Variants in TG observed in about 807,000 individuals in gnomAD.
TG encodes the protein thyroglobulin.
A neutral mutation model predicts 324.7 loss-of-function variants in TG; 270 were observed. That is an observed-to-expected ratio of 0.83 (90% CI 0.75 to 0.92). The LOEUF is 0.92. Among genes scored for constraint, TG ranks in the 40% least tolerant of loss-of-function variants. TG has a pLI of 0.00. For synonymous variants in TG, 1,401 were observed against 1,327.0 expected (o/e 1.06, Z -1.21); for missense variants, 3,591 against 3,456.4 (o/e 1.04, Z -0.98).
At chr8:132,915,370 C>A (rs1341412261) in intron 20 of TG, among the ~76,000 whole-genome samples, 1 of 152,178 alleles carries the variant, frequency 6.6e-6, no homozygotes, top group Non-Finnish European at 1.5e-5. Flanking sequence ...GGCCTAGAAA[C>A]CTGGTTTCAA....
chr8:132,903,543 G>A (rs1266717281), intron 16 of TG, among the ~76,000 whole-genome samples: 1 of 152,212 alleles, frequency 6.6e-6, no homozygotes, highest in Non-Finnish European at 1.5e-5. Flanking sequence ...TTTCCTGAGA[G>A]TCTTAAAGTG....
At chr8:132,913,800 A>G (rs1483983161) in intron 20 of TG, among the ~76,000 whole-genome samples, 1 of 152,154 alleles carries the variant, frequency 6.6e-6, no homozygotes, top group African/African-American at 2.4e-5. Flanking sequence ...AATGACCAAA[A>G]ATTTTGTGGC....
intron 20 of TG, among the ~76,000 whole-genome samples, chr8:132,918,464 A>G (rs1338134609): frequency 1.3e-5 from 2 of 152,224 alleles, no homozygotes; most frequent in Non-Finnish European, 1.5e-5. Context: ...GGCAGACCAA[A>G]AAACACACTG....
At chr8:132,990,103 CAGAG>C (rs1275717127) in intron 35 of TG, among the ~76,000 whole-genome samples, 1 of 150,960 alleles carries the variant, frequency 6.6e-6, no homozygotes, top group Non-Finnish European at 1.5e-5. Flanking sequence ...GAAACTGAGG[CAGAG>C]AGAGAGTGTG....
intron 34 of TG, among the ~76,000 whole-genome samples, chr8:132,976,288 G>A (rs1351828209): frequency 6.6e-6 from 1 of 152,176 alleles, no homozygotes; most frequent in Non-Finnish European, 1.5e-5. Flanking sequence ...TCTGTCAAAG[G>A]CCTTCTTGCT....
At chr8:132,972,576 G>GTTTT in intron 33 of TG, 22 bp from the exon 34 acceptor site, 2 of 1,480,426 alleles carry the variant, frequency 1.4e-6, no homozygotes, top group Non-Finnish European at 1.8e-6. Flanking sequence ...GTGGTTTTTT[G>GTTTT]TTTTTTTTTT....
chr8:132,912,816 G>T (rs1819721202), intron 19 of TG, among the ~76,000 whole-genome samples: 1 of 152,190 alleles, frequency 6.6e-6, no homozygotes, highest in Non-Finnish European at 1.5e-5. Context: ...AATGGCAAGA[G>T]CCAGGAAATC....
chr8:132,897,748 T>C lies in TG; in HGVS notation c.3101T>C (p.Phe1034Ser), dbSNP rs1817326892. ...CCCTACATGCCACAGTGTGATGCGT[T>C]TGGAAGTTGGGAGCCTGTGCAGTGC... The part of the protein sequence containing the change: ...SGPYMPQCDA[F>S]GSWEPVQCHA... The change falls in exon 12 of 48, where the codon TTT becomes TCT. Residue 1034 changes from phenylalanine (F) to serine (S), a missense_variant. Physicochemically the swap from Phe to Ser is radical, Grantham distance 155. Transcript: ENST00000220616. 6.2e-7 allele frequency: 1 copy of C among 1,614,060 alleles called. No individual in the cohort carries two copies. Among genetic ancestry groups the C allele is most frequent in the Admixed American group, 1.7e-5 (1 of 60,002 alleles).
intron 18 of TG, among the ~76,000 whole-genome samples, chr8:132,910,476 G>T (rs1409182992): frequency 6.6e-6 from 1 of 152,236 alleles, no homozygotes; most frequent in East Asian, 1.9e-4. Flanking sequence ...CTGAATGCTT[G>T]TGTCCCCCCG....
chr8:132,974,056 C>T (rs996341370), intron 34 of TG, among the ~76,000 whole-genome samples: 11 of 145,044 alleles, frequency 7.6e-5, no homozygotes, highest in South Asian at 4.3e-4. Context: ...TGCAATGGCG[C>T]GATCTCAGCT....
chr8:133,041,718 A>T (rs16904807), intron 41 of TG, among the ~76,000 whole-genome samples: 22,843 of 151,138 alleles, frequency 0.15, 2,456 homozygotes, highest in East Asian at 0.47. Flanking sequence ...AGCACATAAC[A>T]TGAGCCCAGC....
chr8:133,082,732 G>T (rs7830370), intron 41 of TG, among the ~76,000 whole-genome samples: 4,325 of 152,206 alleles, frequency 0.028, 183 homozygotes, highest in African/African-American at 0.098. Context: ...ACAAAATGAC[G>T]GTAGGATCTG....
At chr8:133,093,648 T>G (rs1165735275) in intron 41 of TG, among the ~76,000 whole-genome samples, 1 of 152,212 alleles carries the variant, frequency 6.6e-6, no homozygotes, top group East Asian at 1.9e-4. Flanking sequence ...TGCCACTGGC[T>G]GAGATTCTGA....
chr8:133,053,924 C>T (rs1259981748), intron 41 of TG, among the ~76,000 whole-genome samples: 2 of 152,134 alleles, frequency 1.3e-5, no homozygotes, highest in African/African-American at 4.8e-5. Context: ...ATAACCTGTG[C>T]CTGATCCTTT....
intron 25 of TG, among the ~76,000 whole-genome samples, chr8:132,937,137 G>T (rs1252834587): frequency 6.6e-6 from 1 of 152,258 alleles, no homozygotes; most frequent in Non-Finnish European, 1.5e-5. Flanking sequence ...CTGAGGGCCC[G>T]AGGCCATGGC....
At chr8:133,007,252 G>C (rs528688720) in intron 35 of TG, among the ~76,000 whole-genome samples, 10 of 152,078 alleles carry the variant, frequency 6.6e-5, no homozygotes, top group Non-Finnish European at 7.4e-5. Context: ...CCGGGAGAAG[G>C]GGGAGGAGAG....
chr8:132,985,373 GA>G (rs1831388404), intron 35 of TG, among the ~76,000 whole-genome samples: 1 of 152,128 alleles, frequency 6.6e-6, no homozygotes, highest in South Asian at 2.1e-4. Context: ...CCATGGGTGG[GA>G]GGGGTCCTGG....
chr8:132,937,972 G>A (rs146593856), intron 25 of TG, among the ~76,000 whole-genome samples: 6 of 152,108 alleles, frequency 3.9e-5, no homozygotes, highest in South Asian at 2.1e-4. Flanking sequence ...CCCGGCAGCC[G>A]TTCTAGACCC....
Position 132,938,295 on chromosome 8 carries a change from C to T in TG, c.5041+2431C>T, listed in dbSNP as rs138839417. Among the ~76,000 whole-genome samples, 527 of 152,318 alleles carry T rather than the reference C, an allele frequency of 3.5e-3. 4 individuals are homozygous for T. The highest frequency in any genetic ancestry group is 0.017 in the Middle Eastern group (5 of 294). On this transcript the variant is annotated intron_variant, in intron 25 of 47. Transcript: ENST00000220616. The stretch of plus-strand genomic sequence containing the variant: ...AGCTTGATCTGTCACCCAATACCCT[C>T]TGCTGCCTACTCCCACTTAATGTCT...
Sources: gnomAD v4.1 joint callset for allele counts (sites outside exome capture counted in the v4.1 genomes callset) on GRCh38, gnomAD v4.1.1 for gene constraint, MANE v1.5 for transcripts, NCBI Gene and HGNC (gene_info 2026-07-23, HGNC 2026-07-21) for gene names.